The following FANK1 variants were observed in gnomAD, a reference collection of about 807,000 sequenced individuals.
The protein encoded by FANK1 is fibronectin type 3 and ankyrin repeat domains protein 1.
FANK1 carries 44 observed loss-of-function variants against 45.3 expected under a neutral mutation model. The observed-to-expected ratio is 0.97, with a 90% CI of 0.76 to 1.25. The LOEUF (loss-of-function observed/expected upper bound fraction) is 1.25, where lower values mean the gene tolerates loss of function less well. Among genes scored for constraint, FANK1 ranks in the 50% most tolerant of loss-of-function variants. The pLI, the probability that FANK1 is intolerant of heterozygous loss-of-function variation, is 0.00. For synonymous variants in FANK1, 149 were observed against 152.5 expected (o/e 0.98, Z 0.17); for missense variants, 391 against 424.4 (o/e 0.92, Z 0.69).
At chr10:125,985,082 C>A (rs1258813588) in intron 2 of FANK1, among the ~76,000 whole-genome samples, 1 of 147,406 alleles carries the variant, frequency 6.8e-6, no homozygotes, top group Non-Finnish European at 1.5e-5. Flanking sequence ...TTGGTAACAT[C>A]TGGTTTCTAA....
chr10:125,997,207 C>T (rs796461150), intron 5 of FANK1, among the ~76,000 whole-genome samples: 3 of 152,250 alleles, frequency 2.0e-5, no homozygotes, highest in South Asian at 2.1e-4. Flanking sequence ...ATGAATAACT[C>T]GTGTCAAAGG....
intron 1 of FANK1, among the ~76,000 whole-genome samples, chr10:125,917,174 G>A (rs1188900532): frequency 6.6e-6 from 1 of 152,168 alleles, no homozygotes; most frequent in Non-Finnish European, 1.5e-5. Context: ...AAACTTTAAG[G>A]AAGCAGATAG....
At chr10:125,974,087 T>C (rs950131412) in intron 1 of FANK1, among the ~76,000 whole-genome samples, 4 of 152,232 alleles carry the variant, frequency 2.6e-5, no homozygotes, top group Non-Finnish European at 5.9e-5. Context: ...CACAAAACAC[T>C]TTGTGGTATT....
chr10:125,952,890 A>T (rs956960427), intron 1 of FANK1, among the ~76,000 whole-genome samples: 3 of 150,414 alleles, frequency 2.0e-5, no homozygotes, highest in East Asian at 2.0e-4. Context: ...TGGTGGACTC[A>T]TTAAAGGCTG....
At chr10:126,000,628 C>T (rs558416957) in intron 6 of FANK1, among the ~76,000 whole-genome samples, 1 of 152,066 alleles carries the variant, frequency 6.6e-6, no homozygotes, top group South Asian at 2.1e-4. Flanking sequence ...GACCAGAAAA[C>T]ACAGAGGCAT....
intron 1 of FANK1, among the ~76,000 whole-genome samples, chr10:125,972,583 G>A (rs971008523): frequency 1.3e-5 from 2 of 152,112 alleles, no homozygotes; most frequent in African/African-American, 2.4e-5. Flanking sequence ...ACCTGATGAG[G>A]TCATTCATTC....
At chr10:125,955,429 G>A (rs1048629016) in intron 1 of FANK1, among the ~76,000 whole-genome samples, 2 of 152,112 alleles carry the variant, frequency 1.3e-5, no homozygotes, top group African/African-American at 4.8e-5. Context: ...CAAAGGATAT[G>A]ATCTTGTTCC....
intron 1 of FANK1, among the ~76,000 whole-genome samples, chr10:125,926,811 G>C (rs1947376013): frequency 6.6e-6 from 1 of 152,146 alleles, no homozygotes; most frequent in Non-Finnish European, 1.5e-5. Flanking sequence ...TTTAGTAATG[G>C]TTTCCTTGGG....
chr10:125,932,495 C>A (rs1947816624), intron 1 of FANK1, among the ~76,000 whole-genome samples: 1 of 152,118 alleles, frequency 6.6e-6, no homozygotes, highest in Non-Finnish European at 1.5e-5. Flanking sequence ...TGATTTGATT[C>A]TCCCCTTGGT....
At chr10:125,948,639 A>G (rs933660067) in intron 1 of FANK1, among the ~76,000 whole-genome samples, 1 of 152,250 alleles carries the variant, frequency 6.6e-6, no homozygotes, top group African/African-American at 2.4e-5. Flanking sequence ...CCAACCAAAA[A>G]GAGTCCAGGA....
chr10:125,931,931 C>A (rs971070105), intron 1 of FANK1, among the ~76,000 whole-genome samples: 1 of 152,164 alleles, frequency 6.6e-6, no homozygotes, highest in African/African-American at 2.4e-5. Context: ...ATGTGCATAA[C>A]CAATTAGCCC....
At chr10:125,900,617 GTTTC>G (rs750763601) in intron 1 of FANK1, among the ~76,000 whole-genome samples, 32 of 150,544 alleles carry the variant, frequency 2.1e-4, no homozygotes, top group Non-Finnish European at 4.3e-4. Context: ...TCTGCTACAC[GTTTC>G]TTTCTGTTTT....
intron 1 of FANK1, chr10:125,973,860 T>C (rs995047702): frequency 6.6e-6 from 1 of 152,054 alleles, no homozygotes; most frequent in Admixed American, 6.5e-5. Flanking sequence ...TAACTTTTAC[T>C]ACATATCTGT....
chr10:125,942,864 A>G lies in FANK1; in HGVS notation c.14-37297A>G, dbSNP rs1028654044. Among the ~76,000 whole-genome samples the G allele has an allele frequency of 5.5e-5, 8 of 146,114 alleles. No individual in the cohort carries two copies. The South Asian group carries it at 1.7e-3, about 31-fold the overall frequency. On this transcript the variant is annotated intron_variant, in intron 1 of 10. Transcript: ENST00000368693. ...AGTCTTGTTCTGTCACCCAGGCTAG[A>G]GTGCAATGGCATGATCTCAGCTCAC...
At chr10:126,003,108 A>ATT (rs5788756) in intron 6 of FANK1, among the ~76,000 whole-genome samples, 1,602 of 144,798 alleles carry the variant, frequency 0.011, 16 homozygotes, top group African/African-American at 0.027. Context: ...CTCTCTTTAA[A>ATT]TTTTTTTTTT....
chr10:125,962,645 T>G (rs950679084), intron 1 of FANK1, among the ~76,000 whole-genome samples: 18 of 152,180 alleles, frequency 1.2e-4, no homozygotes, highest in Non-Finnish European at 2.9e-5. Flanking sequence ...TTAACAGTTC[T>G]AAGTATTTTT....
At chr10:126,007,788 C>T (rs977727427) in intron 7 of FANK1, among the ~76,000 whole-genome samples, 14 of 152,086 alleles carry the variant, frequency 9.2e-5, no homozygotes, top group Admixed American at 2.6e-4. Context: ...GAATTGGAAG[C>T]GACAATATTT....
Position 125,931,579 on chromosome 10 carries a change from ATT to A in FANK1, c.13+34926_13+34927del, listed in dbSNP as rs201541179. On this transcript the variant is annotated intron_variant, in intron 1 of 10. Coordinates refer to ENST00000368693, the MANE Select transcript of FANK1 (RefSeq NM_145235.5). ...TGATGGGATTGTTTTTTTCTTACTG[ATT>A]TGAGTTTGTTGTAGATTCTGGATAT... Among the ~76,000 whole-genome samples the A allele has an allele frequency of 3.8e-4, 57 of 151,508 alleles. No individual in the cohort carries two copies. The East Asian group carries it at 8.0e-3, about 21-fold the overall frequency.
At chr10:125,990,720 C>A (rs921858941) in intron 3 of FANK1, among the ~76,000 whole-genome samples, 1 of 152,078 alleles carries the variant, frequency 6.6e-6, no homozygotes, top group African/African-American at 2.4e-5. Context: ...TTAGGAAGGG[C>A]TGTTTATTAG....
Sources: gnomAD v4.1 joint callset for allele counts (sites outside exome capture counted in the v4.1 genomes callset) on GRCh38, gnomAD v4.1.1 for gene constraint, MANE v1.5 for transcripts, NCBI Gene and HGNC (gene_info 2026-07-23, HGNC 2026-07-21) for gene names.